GRM7: variants seen among roughly 807,000 people sequenced by gnomAD.
The protein encoded by GRM7 is glutamate metabotropic receptor 7.
A neutral mutation model predicts 84.5 loss-of-function variants in GRM7; 35 were observed. That is an observed-to-expected ratio of 0.41 (90% CI 0.32 to 0.55). The LOEUF (loss-of-function observed/expected upper bound fraction) is 0.55. GRM7 is among the 20% of genes least tolerant of loss of function. The pLI is 0.19. For synonymous variants in GRM7, 487 were observed against 455.1 expected (o/e 1.07, Z -0.89); for missense variants, 1,003 against 1,194.6 (o/e 0.84, Z 2.36).
chr3:7,527,653 A>T (rs1018439087), intron 7 of GRM7, among the ~76,000 whole-genome samples: 1 of 151,888 alleles, frequency 6.6e-6, no homozygotes, highest in Non-Finnish European at 1.5e-5. Flanking sequence ...GTAGTATGAT[A>T]TTGGCTATGG....
At chr3:7,379,016 T>C (rs1382173161) in intron 4 of GRM7, among the ~76,000 whole-genome samples, 1 of 152,180 alleles carries the variant, frequency 6.6e-6, no homozygotes, top group Non-Finnish European at 1.5e-5. Context: ...CTTTATAACG[T>C]CAGCTTTAAA....
chr3:7,313,636 G>A (rs1700483426), intron 4 of GRM7, among the ~76,000 whole-genome samples: 1 of 152,070 alleles, frequency 6.6e-6, no homozygotes, highest in African/African-American at 2.4e-5. Context: ...AGGAGTATAA[G>A]TCATTACTGT....
At chr3:7,589,039 C>T (rs1695653225) in intron 8 of GRM7, among the ~76,000 whole-genome samples, 1 of 152,166 alleles carries the variant, frequency 6.6e-6, no homozygotes, top group Non-Finnish European at 1.5e-5. Context: ...ATCTGCCTTC[C>T]AATTCTATCA....
chr3:7,365,372 T>G (rs148725783), intron 4 of GRM7, among the ~76,000 whole-genome samples: 496 of 151,806 alleles, frequency 3.3e-3, no homozygotes, highest in African/African-American at 0.011. Flanking sequence ...GTCCTCACAG[T>G]CTCTCCATCT....
intron 1 of GRM7, among the ~76,000 whole-genome samples, chr3:6,865,590 C>T (rs371766285): frequency 6.6e-6 from 1 of 150,858 alleles, no homozygotes; most frequent in Admixed American, 6.6e-5. Flanking sequence ...ATGGAAAAAG[C>T]GGTCAACTCT....
intron 1 of GRM7, among the ~76,000 whole-genome samples, chr3:7,019,378 C>G (rs116317344): frequency 1.3e-5 from 2 of 152,102 alleles, no homozygotes; most frequent in Non-Finnish European, 2.9e-5. Context: ...TGCATGATGT[C>G]GTGTCCGCTA....
At chr3:7,194,664 A>G (rs1695822808) in intron 2 of GRM7, among the ~76,000 whole-genome samples, 1 of 152,150 alleles carries the variant, frequency 6.6e-6, no homozygotes, top group Admixed American at 6.6e-5. Context: ...CCTTAAGGCA[A>G]TCCTGGCTCT....
chr3:7,352,057 C>CACACCACACA (rs1277659188), intron 4 of GRM7, among the ~76,000 whole-genome samples: 7 of 136,894 alleles, frequency 5.1e-5, no homozygotes, highest in African/African-American at 1.7e-4. Context: ...CACACACACA[C>CACACCACACA]CACACACACA....
rs558879442 is a variant in GRM7 at position 6,918,012 on chromosome 3, A to G, written c.519+56105A>G. Among the ~76,000 whole-genome samples the G allele has an allele frequency of 5.9e-5, 9 of 152,292 alleles. No individual in the cohort carries two copies. In the South Asian group the frequency reaches 6.2e-4, roughly 11 times the overall value. The stretch of plus-strand genomic sequence containing the variant: ...AAGCTAAGGTTTCTTTTCACCATAT[A>G]AAAGGTCCTTTTTAAGCAGTCATAT... On this transcript the variant is annotated intron_variant, in intron 1 of 9. Transcript: ENST00000357716.
intron 2 of GRM7, among the ~76,000 whole-genome samples, chr3:7,220,273 C>A (rs1482648350): frequency 1.3e-5 from 2 of 152,172 alleles, no homozygotes; most frequent in African/African-American, 4.8e-5. Context: ...ACCTGACAAA[C>A]ACTATCTCAG....
At chr3:7,112,551 AC>A in intron 1 of GRM7, among the ~76,000 whole-genome samples, 2 of 152,152 alleles carry the variant, frequency 1.3e-5, no homozygotes, top group Middle Eastern at 6.8e-3. Flanking sequence ...CATTTGCTTC[AC>A]ATTTTTATAT....
intron 8 of GRM7, among the ~76,000 whole-genome samples, chr3:7,645,053 T>G (rs865815897): frequency 3.7e-4 from 57 of 152,028 alleles, no homozygotes; most frequent in African/African-American, 1.2e-3. Context: ...GGAAAAGAAC[T>G]AGGTTTCACA....
At chr3:7,519,196 C>T (rs777354129) in intron 7 of GRM7, among the ~76,000 whole-genome samples, 6 of 152,062 alleles carry the variant, frequency 3.9e-5, no homozygotes, top group Admixed American at 2.0e-4. Context: ...TTTACTTTCA[C>T]TATAAAACAT....
intron 2 of GRM7, among the ~76,000 whole-genome samples, chr3:7,282,108 C>T (rs1453333626): frequency 6.6e-6 from 1 of 152,028 alleles, no homozygotes; most frequent in Non-Finnish European, 1.5e-5. Context: ...AAACAGGTAC[C>T]TACATAATTC....
intron 8 of GRM7, among the ~76,000 whole-genome samples, chr3:7,608,308 C>T (rs1333588154): frequency 6.6e-6 from 1 of 152,092 alleles, no homozygotes; most frequent in Non-Finnish European, 1.5e-5. Context: ...GAATCGCTTT[C>T]CACTAAGGTT....
intron 1 of GRM7, among the ~76,000 whole-genome samples, chr3:7,120,292 T>C (rs1693174108): frequency 1.3e-5 from 2 of 152,000 alleles, no homozygotes; most frequent in South Asian, 4.1e-4. Context: ...CTAAAATCTG[T>C]CTCCCAAATC....
At chr3:7,229,759 A>ATATATATATATATATATATAT (rs1434216248) in intron 2 of GRM7, among the ~76,000 whole-genome samples, 2 of 30,428 alleles carry the variant, frequency 6.6e-5, no homozygotes, top group Non-Finnish European at 1.1e-4. Context: ...ATATATATAT[A>ATATATATATATATATATATAT]TTTTTTTTTT....
chr3:7,535,649 A>G (rs1015162379), intron 7 of GRM7, among the ~76,000 whole-genome samples: 2 of 152,248 alleles, frequency 1.3e-5, no homozygotes, highest in East Asian at 3.8e-4. Context: ...AGTCTCTGTC[A>G]GGCATTGAAG....
chr3:7,048,002 A>G (rs1279610529), intron 1 of GRM7, among the ~76,000 whole-genome samples: 2 of 152,022 alleles, frequency 1.3e-5, no homozygotes, highest in African/African-American at 4.8e-5. Flanking sequence ...GATGTTAAAT[A>G]ACTTCCTCTG....
Sources: gnomAD v4.1 joint callset for allele counts (sites outside exome capture counted in the v4.1 genomes callset) on GRCh38, gnomAD v4.1.1 for gene constraint, MANE v1.5 for transcripts, NCBI Gene and HGNC (gene_info 2026-07-23, HGNC 2026-07-21) for gene names.